The following CLPS variants were observed in gnomAD, a reference collection of about 807,000 sequenced individuals.
CLPS encodes colipase.
Under a neutral mutation model 9.3 loss-of-function variants are expected in CLPS, and 8 were observed. The observed-to-expected ratio is 0.86, with a 90% CI of 0.51 to 1.56. The LOEUF is 1.56. Among genes scored for constraint, CLPS ranks in the 40% most tolerant of loss-of-function variants. CLPS has a pLI of 0.00. For missense variants in CLPS, 144 were observed against 145.7 expected (o/e 0.99, Z 0.06); for synonymous variants, 61 against 56.2 (o/e 1.09, Z -0.39).
At chr6:35,797,159 C>T (rs1264097842) in intron 1 of CLPS, 46 bp downstream of exon 1, 1 of 1,552,998 alleles carries the variant, frequency 6.4e-7, no homozygotes, top group African/African-American at 1.4e-5. Flanking sequence ...CTTAGGAAGT[C>T]TTCATCTGGG....
chr6:35,797,094 C>T, intron 1 of CLPS, 111 bp downstream of exon 1: 2 of 993,428 alleles, frequency 2.0e-6, no homozygotes, highest in South Asian at 1.4e-5. Flanking sequence ...TGCAAGATGC[C>T]ACTCCTCCCA....
Position 35,794,999 on chromosome 6 carries a change from C to T in CLPS, c.*147G>A, listed in dbSNP as rs1768317414. On this transcript the variant is annotated 3_prime_UTR_variant, in exon 3 of 3. Coordinates refer to ENST00000259938, the MANE Select transcript of CLPS (RefSeq NM_001832.4). Reference sequence around the variant, plus strand: ...AGACTGGGAAAGGTTTGCAGGAGGCCTTTAATTGTGAAGAGCGCAATCAGA... The same window carrying T: ...AGACTGGGAAAGGTTTGCAGGAGGCTTTTAATTGTGAAGAGCGCAATCAGA... 1 of 1,183,200 alleles carries T rather than the reference C, an allele frequency of 8.5e-7. No homozygotes were observed. Among genetic ancestry groups the T allele is most frequent in the Non-Finnish European group, 1.2e-6 (1 of 854,710 alleles). The allele number at this position is 1,183,200 out of a possible 1,614,324, so 73.3% of individuals were successfully genotyped here. A position where few individuals can be genotyped will look rare whatever the true frequency, so the allele number is the denominator to read the frequency against.
At position 35,795,155 on chromosome 6, in the gene CLPS, G is replaced by A; in HGVS notation, c.330C>T (p.Ser110=). The A allele has an allele frequency of 6.2e-7, 1 of 1,613,756 alleles. No homozygotes were observed. Among genetic ancestry groups the A allele is most frequent in the Non-Finnish European group, 8.5e-7 (1 of 1,179,856 alleles). ...NFGICHDAGR[S]KQ is the part of the protein sequence containing the mutation. ...GAGTGGGTGGGCAGTCTCACTGCTT[G>A]GAGCGTCCAGCGTCATGGCAGATGC... Residue 110 remains serine, a synonymous_variant, in exon 3 of 3, where the codon TCC becomes TCT. Coordinates refer to ENST00000259938, the MANE Select transcript of CLPS (RefSeq NM_001832.4).
chr6:35,795,195 G>A lies in CLPS; in HGVS notation c.290C>T (p.Thr97Ile). ...ATGGCAGATGCCAAAGTTGGTGTTG[G>A]TGATGGAGCCCACGATGGTCTTGTC... is the stretch of plus-strand genomic sequence containing the variant. ...EGDKTIVGSI[T>I]NTNFGICHDA... Residue 97 changes from threonine (T) to isoleucine (I), a missense_variant, in exon 3 of 3, where the codon ACC (threonine) becomes ATC (isoleucine). Coordinates refer to ENST00000259938, the MANE Select transcript of CLPS (RefSeq NM_001832.4). The A allele has an allele frequency of 6.2e-7, 1 of 1,614,240 alleles. No individual in the cohort carries two copies. The highest frequency in any genetic ancestry group is 1.1e-5 in the South Asian group (1 of 91,086).
chr6:35,796,931 T>A (rs1363641143), intron 1 of CLPS: 34 of 475,326 alleles, frequency 7.2e-5, no homozygotes, highest in African/African-American at 7.0e-4. Context: ...AGACTCCGTT[T>A]CAAAAAGAAA....
Position 35,797,312 on chromosome 6 carries a change from G to A in CLPS, c.-24C>T. ...ATGGTGAGTGGGACAGCTGGTGTGG[G>A]TGGCGGGAGACAGAGCCAGCTGTGG... On this transcript the variant is annotated 5_prime_UTR_variant, in exon 1 of 3. Transcript: ENST00000259938. The A allele has an allele frequency of 6.2e-7, 1 of 1,609,722 alleles. No homozygotes were observed. The highest frequency in any genetic ancestry group is 8.5e-7 in the Non-Finnish European group (1 of 1,176,558).
Position 35,797,192 on chromosome 6 carries a change from A to G in CLPS, c.84+13T>C. ...GGGGACTCAGGAGGCGCCTCCCCTGAAGACCCTCTTACCAGGTTGATAATG... is the reference window on the plus strand; with the variant it reads ...GGGGACTCAGGAGGCGCCTCCCCTGGAGACCCTCTTACCAGGTTGATAATG... On this transcript the variant is annotated intron_variant, in intron 1 of 2. Transcript: ENST00000259938. 1.2e-6 allele frequency: 2 copies of G among 1,612,350 alleles called. No individual in the cohort carries two copies. The highest frequency in any genetic ancestry group is 1.7e-4 in the Middle Eastern group (1 of 6,058).
intron 1 of CLPS, chr6:35,796,976 A>C: frequency 3.4e-6 from 2 of 583,940 alleles, no homozygotes; most frequent in South Asian, 4.1e-5. Context: ...AGCCAGGTTG[A>C]GCTGCTGCTC....
chr6:35,796,379 C>T (rs1197467521), intron 1 of CLPS, among the ~76,000 whole-genome samples: 3 of 152,264 alleles, frequency 2.0e-5, no homozygotes, highest in Non-Finnish European at 4.4e-5. Context: ...AGGGCTTTCC[C>T]AGCCAAGACC....
rs771434902 is a variant in CLPS at position 35,797,277 on chromosome 6, G to A, written c.12C>T (p.Ile4=). 3.1e-6 allele frequency: 5 copies of A among 1,613,836 alleles called. No homozygotes were observed. Among genetic ancestry groups the A allele is most frequent in the Non-Finnish European group, 4.2e-6 (5 of 1,179,916 alleles). Residue 4 remains isoleucine, a synonymous_variant, in exon 1 of 3, where the codon ATC becomes ATT. Coordinates refer to ENST00000259938, the MANE Select transcript of CLPS (RefSeq NM_001832.4). ...AGAGGGCGACAAGCAGGAGGATCAGGATCTTCTCCATGGTGAGTGGGACAG... is the reference window on the plus strand; with the variant it reads ...AGAGGGCGACAAGCAGGAGGATCAGAATCTTCTCCATGGTGAGTGGGACAG... MEK[I]LILLLVALSV... is the part of the protein sequence containing the mutation.
rs1231211321 is a variant in CLPS, at chr6:35,795,801, T to C, written c.137A>G (p.Gln46Arg). 2 of 1,613,250 alleles carry C rather than the reference T, an allele frequency of 1.2e-6. No individual in the cohort carries two copies. The highest frequency in any genetic ancestry group is 1.7e-6 in the Non-Finnish European group (2 of 1,180,044). The change falls in exon 2 of 3, where the codon CAG becomes CGG. Residue 46 changes from glutamine (Q) to arginine (R), a missense_variant. Coordinates refer to ENST00000259938, the MANE Select transcript of CLPS (RefSeq NM_001832.4). ...GGCCAGGCCCAGCGCACTTGAATGC[T>C]GGCAGCAATTGCTCTTACACTGGGC... ...NSAQCKSNCC[Q>R]HSSALGLARC...
intron 1 of CLPS, among the ~76,000 whole-genome samples, chr6:35,796,074 G>A (rs963286773): frequency 6.6e-6 from 1 of 152,284 alleles, no homozygotes; most frequent in Non-Finnish European, 1.5e-5. Flanking sequence ...CAGGACCCCT[G>A]GGTTCTAGTA....
rs1391987345 is a variant in CLPS, at chr6:35,795,800, C to T, written c.138G>A (p.Gln46=). 1.9e-6 allele frequency: 3 copies of T among 1,613,344 alleles called. No homozygotes were observed. The highest frequency in any genetic ancestry group is 4.5e-5 in the East Asian group (2 of 44,884). ...GGGCCAGGCCCAGCGCACTTGAATG[C>T]TGGCAGCAATTGCTCTTACACTGGG... ...NSAQCKSNCC[Q]HSSALGLARC... The change falls in exon 2 of 3, where the codon CAG becomes CAA. Residue 46 remains glutamine, a synonymous_variant. Transcript: ENST00000259938.
chr6:35,795,619 G>T (rs1032405283), intron 2 of CLPS, 112 bp downstream of exon 2: 2 of 1,517,540 alleles, frequency 1.3e-6, no homozygotes, highest in Non-Finnish European at 1.8e-6. Context: ...CCTCCCTCTC[G>T]TCTCCTCAAC....
intron 1 of CLPS, among the ~76,000 whole-genome samples, chr6:35,796,266 A>C (rs139429819): frequency 6.6e-6 from 1 of 152,252 alleles, no homozygotes; most frequent in Non-Finnish European, 1.5e-5. Context: ...TTCCTCCCCC[A>C]ACAGATCTGA....
At chr6:35,796,882 C>T (rs533180734) in intron 1 of CLPS, 55 of 461,630 alleles carry the variant, frequency 1.2e-4, no homozygotes, top group African/African-American at 9.3e-4. Context: ...TGCAGTGAGC[C>T]GAGATTGTGC....
intron 1 of CLPS, among the ~76,000 whole-genome samples, chr6:35,796,358 GA>G (rs1211968212): frequency 1.3e-5 from 2 of 152,266 alleles, no homozygotes; most frequent in Non-Finnish European, 1.5e-5. Flanking sequence ...CAACCGCATG[GA>G]CGTTCTGGAA....
intron 1 of CLPS, chr6:35,796,955 A>T (rs1768383615): frequency 5.5e-6 from 3 of 545,998 alleles, no homozygotes; most frequent in Non-Finnish European, 9.8e-6. Context: ...AAGAAAAAAA[A>T]GGTCCCTCAT....
chr6:35,797,051 G>A (rs1311238803), intron 1 of CLPS, among the ~76,000 whole-genome samples, 154 bp downstream of exon 1: 4 of 152,284 alleles, frequency 2.6e-5, no homozygotes, highest in African/African-American at 9.6e-5. Flanking sequence ...CTGGGAAGAG[G>A]CATAGGACAG....
Sources: gnomAD v4.1 joint callset for allele counts (sites outside exome capture counted in the v4.1 genomes callset) on GRCh38, gnomAD v4.1.1 for gene constraint, MANE v1.5 for transcripts, NCBI Gene and HGNC (gene_info 2026-07-23, HGNC 2026-07-21) for gene names.